Variants in FGF13 observed in about 807,000 individuals in gnomAD.
FGF13 encodes fibroblast growth factor homologous factor 2.
Under a neutral mutation model 19.5 loss-of-function variants are expected in FGF13, and 2 were observed. That is an observed-to-expected ratio of 0.10 (90% confidence interval 0.04 to 0.32). The LOEUF is 0.32. FGF13 is among the 10% of genes least tolerant of loss of function. FGF13 has a pLI of 1.00. For missense variants in FGF13, 113 were observed against 192.7 expected (o/e 0.59, Z 2.45); for synonymous variants, 72 against 76.9 (o/e 0.94, Z 0.33).
intron 1 of FGF13, among the ~76,000 whole-genome samples, chrX:139,038,046 A>T (rs978115169): frequency 9.0e-6 from 1 of 110,892 alleles, no homozygotes; most frequent in Non-Finnish European, 1.9e-5. Context: ...AGAGAGTGAA[A>T]GAAGGGCAGG....
chrX:138,746,957 T>C (rs1212583394), intron 3 of FGF13, among the ~76,000 whole-genome samples: 1 of 111,509 alleles, frequency 9.0e-6, no homozygotes, highest in African/African-American at 3.3e-5. Flanking sequence ...AAAGCCTCTA[T>C]TTGAAAGGTA....
intron 3 of FGF13, among the ~76,000 whole-genome samples, chrX:138,800,052 T>C (rs985158400): frequency 1.9e-4 from 21 of 112,135 alleles, no homozygotes; most frequent in African/African-American, 6.5e-4. Flanking sequence ...GTCTGTTAAT[T>C]GGGGCATTTA....
At chrX:139,159,655 C>CAAAAAAAAAAAAA (rs550001786) in intron 1 of FGF13, among the ~76,000 whole-genome samples, 2 of 51,670 alleles carry the variant, frequency 3.9e-5, no homozygotes, top group African/African-American at 7.5e-5. Context: ...AAAGAGAAAG[C>CAAAAAAAAAAAAA]AAAAAAAAAA....
intron 1 of FGF13, among the ~76,000 whole-genome samples, chrX:138,913,568 G>A (rs1246105830): frequency 2.8e-5 from 3 of 105,526 alleles, no homozygotes; most frequent in African/African-American, 7.0e-5. Flanking sequence ...AAGTCAGGAA[G>A]GGGAAAGAAA....
At chrX:138,943,829 C>T (rs145227070) in intron 1 of FGF13, among the ~76,000 whole-genome samples, 4 of 111,607 alleles carry the variant, frequency 3.6e-5, no homozygotes, top group African/African-American at 1.3e-4. Context: ...TAAGTGGACA[C>T]TATTTGACTT....
chrX:139,026,155 C>T (rs2092199954), intron 1 of FGF13, among the ~76,000 whole-genome samples: 1 of 110,849 alleles, frequency 9.0e-6, no homozygotes, highest in South Asian at 3.8e-4. Context: ...ATTTTCAATA[C>T]CTAATTAACA....
intron 3 of FGF13, among the ~76,000 whole-genome samples, chrX:138,789,977 G>A (rs2090727792): frequency 1.1e-5 from 1 of 92,911 alleles, no homozygotes; most frequent in Non-Finnish European, 2.1e-5. Flanking sequence ...CCTGGGAGCC[G>A]GAGGTTGCAG....
intron 3 of FGF13, among the ~76,000 whole-genome samples, chrX:138,668,337 C>T (rs755469001): frequency 1.8e-5 from 2 of 110,977 alleles, no homozygotes; most frequent in East Asian, 5.8e-4. Context: ...ATGTCAGAGC[C>T]CTCCCTCTTA....
At chrX:138,934,912 G>GAA (rs11430051) in intron 1 of FGF13, among the ~76,000 whole-genome samples, 3,687 of 101,916 alleles carry the variant, frequency 0.036, 162 homozygotes, top group African/African-American at 0.12. Flanking sequence ...GAGGAGTTTG[G>GAA]AAAAAAAAAA....
chrX:138,870,273 T>C (rs1023859019), intron 1 of FGF13, among the ~76,000 whole-genome samples: 2 of 111,969 alleles, frequency 1.8e-5, no homozygotes, highest in African/African-American at 6.5e-5. Context: ...TTTTAAGTAG[T>C]AAAGTAGAGT....
At chrX:138,833,170 T>C (rs1363492362) in intron 3 of FGF13, among the ~76,000 whole-genome samples, 2 of 112,099 alleles carry the variant, frequency 1.8e-5, no homozygotes, top group African/African-American at 6.5e-5. Context: ...TCCATATGAA[T>C]TTTAAAATAG....
At chrX:138,843,982 T>C (rs943228880) in intron 3 of FGF13, among the ~76,000 whole-genome samples, 9 of 111,814 alleles carry the variant, frequency 8.0e-5, no homozygotes, top group African/African-American at 2.9e-4. Context: ...ATAGACTCTA[T>C]ATCATATTGT....
intron 1 of FGF13, among the ~76,000 whole-genome samples, chrX:139,181,355 C>A (rs1280190922): frequency 8.9e-6 from 1 of 112,434 alleles, no homozygotes; most frequent in South Asian, 3.7e-4. Context: ...CAACACTGAC[C>A]CCAACTAGCA....
intron 1 of FGF13, among the ~76,000 whole-genome samples, chrX:139,155,710 G>A (rs1304305423): frequency 8.9e-6 from 1 of 112,173 alleles, no homozygotes; most frequent in Non-Finnish European, 1.9e-5. Flanking sequence ...AGTCTTCAGA[G>A]GCATGTTTGC....
At position 139,156,037 on chromosome X, in the gene FGF13, CACAGGCAGGG is replaced by C. The variant is rs760567585; in HGVS notation, c.-113+47369_-113+47378del. ...ATTCTCCAGACCCAGGAAGCTTTCC[CACAGGCAGGG>C]AAAGTCAATGTTTGGTGAGGCTTCA... On this transcript the variant is annotated intron_variant, in intron 1 of 2. Transcript: ENST00000421460. Among the ~76,000 whole-genome samples the C allele has an allele frequency of 1.5e-3, 168 of 111,714 alleles. 1 individual carries two copies. Among genetic ancestry groups the C allele is most frequent in the Admixed American group, 4.5e-3 (48 of 10,555 alleles).
At chrX:138,982,008 C>T (rs1286908332) in intron 1 of FGF13, among the ~76,000 whole-genome samples, 2 of 111,444 alleles carry the variant, frequency 1.8e-5, no homozygotes, top group Admixed American at 1.9e-4. Context: ...GCTGTGTGGC[C>T]ACTTTAGCGA....
At chrX:138,665,897 G>T (rs2124160508) in intron 3 of FGF13, among the ~76,000 whole-genome samples, 1 of 111,106 alleles carries the variant, frequency 9.0e-6, no homozygotes. Flanking sequence ...AAAGAAAGCA[G>T]GGAGCAATAA....
At chrX:138,669,556 A>G (rs2089591301) in intron 3 of FGF13, among the ~76,000 whole-genome samples, 1 of 111,285 alleles carries the variant, frequency 9.0e-6, no homozygotes, top group African/African-American at 3.3e-5. Context: ...TTTAAATGCT[A>G]AGTTTGAAAT....
At chrX:138,969,824 G>A (rs2091908489) in intron 1 of FGF13, among the ~76,000 whole-genome samples, 1 of 111,938 alleles carries the variant, frequency 8.9e-6, no homozygotes, top group Admixed American at 9.4e-5. Flanking sequence ...TACAGCCATT[G>A]TCGTTTGTTG....
Sources: allele counts gnomAD v4.1 joint callset (sites outside exome capture counted in the v4.1 genomes callset), GRCh38; gene constraint gnomAD v4.1.1; transcripts MANE v1.5; gene names NCBI Gene and HGNC (gene_info 2026-07-23, HGNC 2026-07-21).